PKNOX2: variants seen among roughly 807,000 people sequenced by gnomAD.
PKNOX2 encodes PBX/knotted 1 homeobox 2, also known as homeobox protein PKNOX2.
In PKNOX2, 14 loss-of-function variants were observed where a neutral mutation model predicts 53.1. The ratio of observed to expected loss-of-function variants is 0.26; its 90% CI spans 0.17 to 0.41. The LOEUF is 0.41. Among genes scored for constraint, PKNOX2 ranks in the 10% least tolerant of loss-of-function variants. The pLI, the probability that PKNOX2 is intolerant of heterozygous loss-of-function variation, is 1.00. For missense variants in PKNOX2, 496 were observed against 602.8 expected (o/e 0.82, Z 1.85); for synonymous variants, 257 against 242.8 (o/e 1.06, Z -0.54).
chr11:125,225,610 G>A (rs773069059), intron 1 of PKNOX2, among the ~76,000 whole-genome samples: 6 of 152,108 alleles, frequency 3.9e-5, no homozygotes, highest in Middle Eastern at 3.4e-3. Flanking sequence ...CACAGCCCAC[G>A]GTAGCAATGT....
At chr11:125,342,954 C>T (rs900808894) in intron 3 of PKNOX2, among the ~76,000 whole-genome samples, 1 of 152,154 alleles carries the variant, frequency 6.6e-6, no homozygotes, top group African/African-American at 2.4e-5. Context: ...CCCACCTCTC[C>T]CACTCTTGTT....
intron 2 of PKNOX2, among the ~76,000 whole-genome samples, chr11:125,305,473 C>T (rs904679554): frequency 2.6e-5 from 4 of 152,298 alleles, no homozygotes; most frequent in East Asian, 3.9e-4. Context: ...CCCTCCAGCA[C>T]CCCCTACCTG....
At chr11:125,323,834 T>C (rs1949667154) in intron 2 of PKNOX2, among the ~76,000 whole-genome samples, 1 of 151,586 alleles carries the variant, frequency 6.6e-6, no homozygotes, top group African/African-American at 2.4e-5. Flanking sequence ...CCTTTGTGTG[T>C]CTGTGACACT....
intron 4 of PKNOX2, among the ~76,000 whole-genome samples, chr11:125,356,519 T>A (rs528968207): frequency 6.6e-6 from 1 of 152,292 alleles, no homozygotes; most frequent in South Asian, 2.1e-4. Flanking sequence ...GTCCCTCCCA[T>A]TCCCCTCACC....
chr11:125,173,963 G>A (rs1663359891), intron 1 of PKNOX2, among the ~76,000 whole-genome samples: 2 of 152,208 alleles, frequency 1.3e-5, no homozygotes. Context: ...CTGTGCTGGA[G>A]TAGTGGCAAG....
intron 1 of PKNOX2, among the ~76,000 whole-genome samples, chr11:125,217,583 A>G (rs1940669278): frequency 6.6e-6 from 1 of 152,224 alleles, no homozygotes; most frequent in South Asian, 2.1e-4. Flanking sequence ...AGGAAGTGTC[A>G]GTGCACATCG....
intron 1 of PKNOX2, among the ~76,000 whole-genome samples, chr11:125,175,752 C>A (rs1354060606): frequency 1.3e-5 from 2 of 152,176 alleles, no homozygotes; most frequent in Non-Finnish European, 2.9e-5. Context: ...ACCGTCAGAG[C>A]TGGCCTCACT....
rs1033241513 is a variant in PKNOX2 at position 125,292,697 on chromosome 11, C to T, written c.-129-39122C>T. Reference sequence around the variant, plus strand: ...CTCACGAGGCTGGCTGCAGCCACCCCTTCCTTTCTCTCTTCCCTTTGCTGT... The same window carrying T: ...CTCACGAGGCTGGCTGCAGCCACCCTTTCCTTTCTCTCTTCCCTTTGCTGT... On this transcript the variant is annotated intron_variant, in intron 2 of 12. Transcript: ENST00000298282. Among the ~76,000 whole-genome samples, 9 of 152,330 alleles carry T rather than the reference C, an allele frequency of 5.9e-5. No homozygotes were observed. The East Asian group carries it at 9.6e-4, about 16-fold the overall frequency.
intron 1 of PKNOX2, among the ~76,000 whole-genome samples, chr11:125,219,438 CAA>C (rs57107061): frequency 0.011 from 1,424 of 130,416 alleles, 35 homozygotes; most frequent in African/African-American, 0.036. Context: ...AACTCTATCT[CAA>C]AAAAAAAAAA....
At chr11:125,208,044 A>T (rs986583166) in intron 1 of PKNOX2, among the ~76,000 whole-genome samples, 5 of 152,134 alleles carry the variant, frequency 3.3e-5, no homozygotes, top group Non-Finnish European at 5.9e-5. Context: ...TGCAAAGATG[A>T]AAGGTATCTT....
At chr11:125,289,172 G>A (rs1947136786) in intron 2 of PKNOX2, among the ~76,000 whole-genome samples, 1 of 152,200 alleles carries the variant, frequency 6.6e-6, no homozygotes, top group African/African-American at 2.4e-5. Flanking sequence ...GCAGACCGGG[G>A]CCCTGCTGAC....
intron 1 of PKNOX2, among the ~76,000 whole-genome samples, chr11:125,215,141 T>C (rs1565471237): frequency 1.3e-5 from 2 of 152,082 alleles, no homozygotes; most frequent in Non-Finnish European, 1.5e-5. Flanking sequence ...TCCGGAGCAG[T>C]TGGGAGGCTC....
intron 2 of PKNOX2, among the ~76,000 whole-genome samples, chr11:125,254,533 C>G (rs1944265191): frequency 6.6e-6 from 1 of 152,242 alleles, no homozygotes. Flanking sequence ...TTCTGAGCCT[C>G]AGTTTCACAT....
intron 2 of PKNOX2, among the ~76,000 whole-genome samples, chr11:125,242,192 G>C (rs754156327): frequency 6.6e-6 from 1 of 152,208 alleles, no homozygotes; most frequent in Non-Finnish European, 1.5e-5. Context: ...TCACATGTGA[G>C]GTGGGTACTA....
At chr11:125,196,907 T>A (rs1484450809) in intron 1 of PKNOX2, among the ~76,000 whole-genome samples, 1 of 152,232 alleles carries the variant, frequency 6.6e-6, no homozygotes, top group African/African-American at 2.4e-5. Context: ...GCCTTTGTAG[T>A]AGTGCCTGGT....
intron 2 of PKNOX2, among the ~76,000 whole-genome samples, chr11:125,326,984 G>A (rs1024657710): frequency 5.3e-5 from 8 of 152,162 alleles, no homozygotes; most frequent in African/African-American, 1.7e-4. Flanking sequence ...TTTCATCACC[G>A]CACTCACGGA....
chr11:125,421,777 G>A (rs1345157576), intron 10 of PKNOX2, among the ~76,000 whole-genome samples: 1 of 152,224 alleles, frequency 6.6e-6, no homozygotes, highest in Non-Finnish European at 1.5e-5. Flanking sequence ...AAGCCACCAG[G>A]CTGCTTACGC....
intron 2 of PKNOX2, among the ~76,000 whole-genome samples, chr11:125,238,543 A>G (rs1206620753): frequency 2.0e-5 from 3 of 152,112 alleles, no homozygotes; most frequent in South Asian, 2.1e-4. Flanking sequence ...GACTTACACT[A>G]TTTTCTTGTA....
chr11:125,415,307 C>T (rs542556435), intron 10 of PKNOX2, among the ~76,000 whole-genome samples: 1 of 146,910 alleles, frequency 6.8e-6, no homozygotes, highest in Non-Finnish European at 1.5e-5. Context: ...TGCAATGGCA[C>T]GATCTTGGCT....
Sources: allele counts gnomAD v4.1 joint callset (sites outside exome capture counted in the v4.1 genomes callset), GRCh38; gene constraint gnomAD v4.1.1; transcripts MANE v1.5; gene names NCBI Gene and HGNC (gene_info 2026-07-23, HGNC 2026-07-21).